LHFPL3: variants seen among roughly 807,000 people sequenced by gnomAD.
LHFPL3 encodes the protein LHFPL tetraspan subfamily member 3, also known as LHFPL tetraspan subfamily member 3 protein.
In LHFPL3, 5 loss-of-function variants were observed where a neutral mutation model predicts 19.3. The ratio of observed to expected loss-of-function variants is 0.26; its 90% CI spans 0.14 to 0.54. LHFPL3 has a LOEUF of 0.54. Ranked by LOEUF, LHFPL3 falls within the 20% of genes least tolerant of loss-of-function variation. The probability of loss-of-function intolerance (pLI) is 0.94; values close to 1 mark genes in which losing one functional copy is unlikely to be tolerated. For missense variants in LHFPL3, 249 were observed against 307.4 expected (o/e 0.81, Z 1.42); for synonymous variants, 133 against 126.2 (o/e 1.05, Z -0.36).
intron 2 of LHFPL3, chr7:104,799,945 G>C (rs1240213352): frequency 6.5e-6 from 1 of 152,796 alleles, no homozygotes; most frequent in Non-Finnish European, 1.5e-5. Flanking sequence ...TATGCCAACA[G>C]CCTTCTTCCT....
rs1169351166 is a variant in LHFPL3 at position 104,719,645 on chromosome 7, A to T, written c.446-17030A>T. 2.0e-5 allele frequency among the ~76,000 whole-genome samples: 3 copies of T among 152,338 alleles called. No homozygotes were observed. The South Asian group carries it at 6.2e-4, about 32-fold the overall frequency. On this transcript the variant is annotated intron_variant, in intron 1 of 2. Transcript: ENST00000424859. ...ACCAACAGTTTTTAAGCGTCATTTT[A>T]TTAGTAGTTCTTGTACTCAAAAAAT...
intron 1 of LHFPL3, among the ~76,000 whole-genome samples, chr7:104,499,503 T>C (rs1181339990): frequency 6.6e-6 from 1 of 152,244 alleles, no homozygotes; most frequent in East Asian, 1.9e-4. Flanking sequence ...GTGCAGGCCA[T>C]GTTGGAAAGG....
chr7:104,846,253 T>TAACA (rs1266982072), intron 2 of LHFPL3, among the ~76,000 whole-genome samples: 2 of 152,226 alleles, frequency 1.3e-5, no homozygotes, highest in African/African-American at 4.8e-5. Context: ...GATTTGTCCC[T>TAACA]AACAGCGTAC....
chr7:104,902,343 C>T (rs1372938143), intron 2 of LHFPL3, among the ~76,000 whole-genome samples: 6 of 151,512 alleles, frequency 4.0e-5, no homozygotes, highest in South Asian at 2.1e-4. Context: ...ATGATTGTGC[C>T]GCTGTAGTCA....
At chr7:104,584,256 A>G (rs1382469697) in intron 1 of LHFPL3, among the ~76,000 whole-genome samples, 1 of 152,014 alleles carries the variant, frequency 6.6e-6, no homozygotes, top group East Asian at 1.9e-4. Flanking sequence ...GGAATTGAAC[A>G]ATGAGAACAC....
chr7:104,641,972 C>G (rs1266649594), intron 1 of LHFPL3, among the ~76,000 whole-genome samples: 2 of 151,446 alleles, frequency 1.3e-5, no homozygotes, highest in East Asian at 1.9e-4. Context: ...GAAAAGCAAC[C>G]CAAGTTTTAT....
At chr7:104,595,955 A>G (rs1790843960) in intron 1 of LHFPL3, among the ~76,000 whole-genome samples, 1 of 152,226 alleles carries the variant, frequency 6.6e-6, no homozygotes, top group African/African-American at 2.4e-5. Flanking sequence ...TGCTTTTCCA[A>G]GTAGTCTGTC....
At chr7:104,363,861 C>A (rs973898507) in intron 1 of LHFPL3, among the ~76,000 whole-genome samples, 1 of 152,158 alleles carries the variant, frequency 6.6e-6, no homozygotes, top group African/African-American at 2.4e-5. Flanking sequence ...AGTAGAGTCT[C>A]CCAGAATAGG....
At chr7:104,442,328 T>C (rs1244714553) in intron 1 of LHFPL3, among the ~76,000 whole-genome samples, 7 of 151,928 alleles carry the variant, frequency 4.6e-5, no homozygotes, top group Admixed American at 1.3e-4. Flanking sequence ...AATTCTAATC[T>C]TACTGGAATC....
chr7:104,888,700 G>A (rs963964451), intron 2 of LHFPL3, among the ~76,000 whole-genome samples: 2 of 152,330 alleles, frequency 1.3e-5, no homozygotes, highest in East Asian at 1.9e-4. Flanking sequence ...AAGTAGATAC[G>A]TTATACCTCT....
intron 2 of LHFPL3, among the ~76,000 whole-genome samples, chr7:104,840,473 C>CTTT (rs1791180352): frequency 2.2e-5 from 2 of 90,998 alleles, no homozygotes; most frequent in Non-Finnish European, 4.4e-5. Context: ...ATTTTCTTTT[C>CTTT]CTTTTTTTTT....
intron 1 of LHFPL3, among the ~76,000 whole-genome samples, chr7:104,470,694 G>T (rs1207384029): frequency 6.6e-6 from 1 of 152,104 alleles, no homozygotes; most frequent in Non-Finnish European, 1.5e-5. Context: ...GGTAGTAAGG[G>T]CCCAATAGAA....
At chr7:104,559,573 A>T (rs1233639790) in intron 1 of LHFPL3, among the ~76,000 whole-genome samples, 1 of 151,868 alleles carries the variant, frequency 6.6e-6, no homozygotes, top group Non-Finnish European at 1.5e-5. Flanking sequence ...GCTTAAGGAG[A>T]TTTTGGGCTG....
chr7:104,431,411 T>A (rs755890795), intron 1 of LHFPL3, among the ~76,000 whole-genome samples: 3 of 152,244 alleles, frequency 2.0e-5, no homozygotes, highest in African/African-American at 7.2e-5. Flanking sequence ...ACCATGTTGA[T>A]ATCTTCTGAC....
intron 2 of LHFPL3, among the ~76,000 whole-genome samples, chr7:104,783,413 G>A (rs1435157359): frequency 6.6e-6 from 1 of 152,164 alleles, no homozygotes; most frequent in African/African-American, 2.4e-5. Flanking sequence ...GTTGACTGCT[G>A]AATCCCCAGC....
At chr7:104,347,336 A>G (rs1340027884) in intron 1 of LHFPL3, among the ~76,000 whole-genome samples, 2 of 152,068 alleles carry the variant, frequency 1.3e-5, no homozygotes, top group South Asian at 2.1e-4. Context: ...TCCTTTCCAT[A>G]CTAGGCCTTT....
At chr7:104,564,240 T>A (rs1446300826) in intron 1 of LHFPL3, among the ~76,000 whole-genome samples, 1 of 152,234 alleles carries the variant, frequency 6.6e-6, no homozygotes. Context: ...TTACCACTGC[T>A]TCTACTGAAT....
intron 1 of LHFPL3, among the ~76,000 whole-genome samples, chr7:104,417,887 T>TTCTTC (rs1562891041): frequency 1.5e-4 from 17 of 112,058 alleles, no homozygotes; most frequent in African/African-American, 5.5e-4. Flanking sequence ...TCTTCTTCTT[T>TTCTTC]TTTTTTTTTT....
chr7:104,582,701 A>C (rs1790482098), intron 1 of LHFPL3, among the ~76,000 whole-genome samples: 1 of 151,938 alleles, frequency 6.6e-6, no homozygotes, highest in Admixed American at 6.6e-5. Context: ...TGAGATTATC[A>C]TGTGATATTT....
Sources: gnomAD v4.1 joint callset for allele counts (sites outside exome capture counted in the v4.1 genomes callset) on GRCh38, gnomAD v4.1.1 for gene constraint, MANE v1.5 for transcripts, NCBI Gene and HGNC (gene_info 2026-07-23, HGNC 2026-07-21) for gene names.